Variants in ZHX3 observed in about 807,000 individuals in gnomAD.
ZHX3 encodes the protein zinc fingers and homeoboxes protein 3.
A neutral mutation model predicts 64.5 loss-of-function variants in ZHX3; 20 were observed. The ratio of observed to expected loss-of-function variants is 0.31; its 90% CI spans 0.22 to 0.45. ZHX3 has a LOEUF of 0.45. ZHX3 is among the 20% of genes least tolerant of loss of function. The pLI is 1.00. For synonymous variants in ZHX3, 423 were observed against 461.6 expected, an observed-to-expected ratio of 0.92 and a Z score of 1.07; for missense variants, 1,041 against 1,195.8, an observed-to-expected ratio of 0.87 and a Z score of 1.91.
chr20:41,184,666 T>C lies in ZHX3; in HGVS notation c.*525A>G, dbSNP rs1355444280. 1 of 516,418 alleles carries C rather than the reference T, an allele frequency of 1.9e-6. No individual in the cohort carries two copies. Among genetic ancestry groups the C allele is most frequent in the Non-Finnish European group, 3.5e-6 (1 of 288,492 alleles). 32.0% of individuals were successfully genotyped at this position (516,418 alleles called of 1,614,324 possible). ...GGAACACAAAGGGGGCACAAAGGGG[T>C]TCCAGACGTAGCTTTGTGCCTATAA... is the stretch of plus-strand genomic sequence containing the variant. On this transcript the variant is annotated 3_prime_UTR_variant, in exon 4 of 4. Coordinates refer to ENST00000683867, the MANE Select transcript of ZHX3 (RefSeq NM_001384317.1).
chr20:41,185,493 T>TC lies in ZHX3; in HGVS notation c.2861-293dup, dbSNP rs912197452. 2.7e-5 allele frequency: 14 copies of TC among 522,892 alleles called. No homozygotes were observed. The highest frequency in any genetic ancestry group is 2.1e-4 in the African/African-American group (11 of 52,494). 32.4% of individuals were successfully genotyped at this position (522,892 alleles called of 1,614,324 possible). A position where few individuals can be genotyped will look rare whatever the true frequency, so the allele number is the denominator to read the frequency against. On this transcript the variant is annotated intron_variant, in intron 3 of 3. Transcript: ENST00000683867. The surrounding 1 kb of genome is among the most constrained non-coding windows in gnomAD (Gnocchi z 5.0). ...GTTTGGCCTCTCCAGGCCCACTAAA[T>TC]CCCCCTAGCTCCCCAGGCTTCCGCC...
chr20:41,251,476 TAA>T (rs2146509962), intron 2 of ZHX3, among the ~76,000 whole-genome samples: 1 of 152,008 alleles, frequency 6.6e-6, no homozygotes, highest in East Asian at 1.9e-4. Flanking sequence ...AAAGTCAAGA[TAA>T]AAACCTCTCA....
chr20:41,190,244 G>A (rs1257094442), intron 3 of ZHX3, among the ~76,000 whole-genome samples: 2 of 152,270 alleles, frequency 1.3e-5, no homozygotes, highest in African/African-American at 4.8e-5. Flanking sequence ...GTGCAATCTC[G>A]GCTCACTGCA....
intron 2 of ZHX3, among the ~76,000 whole-genome samples, chr20:41,216,236 A>G (rs901162366): frequency 6.6e-6 from 1 of 152,210 alleles, no homozygotes; most frequent in Non-Finnish European, 1.5e-5. Flanking sequence ...CATAGGTAGC[A>G]TTCCACTATT....
At chr20:41,194,211 T>C (rs570548096) in intron 3 of ZHX3, among the ~76,000 whole-genome samples, 1 of 152,346 alleles carries the variant, frequency 6.6e-6, no homozygotes, top group South Asian at 2.1e-4. Flanking sequence ...TTGTTGAGTA[T>C]GATGTTAATT....
chr20:41,218,639 CAT>C (rs1172414815), intron 2 of ZHX3, among the ~76,000 whole-genome samples: 3 of 152,102 alleles, frequency 2.0e-5, no homozygotes, highest in African/African-American at 4.8e-5. Flanking sequence ...ACAAAAAGAA[CAT>C]GTGGAAAACT....
chr20:41,235,067 T>C (rs529114842), intron 2 of ZHX3, among the ~76,000 whole-genome samples: 10 of 152,272 alleles, frequency 6.6e-5, no homozygotes, highest in African/African-American at 2.2e-4. Context: ...CTCTTTTCCA[T>C]GAGAGACAGT....
chr20:41,244,127 A>G (rs1278100598), intron 2 of ZHX3, among the ~76,000 whole-genome samples: 1 of 152,042 alleles, frequency 6.6e-6, no homozygotes, highest in Non-Finnish European at 1.5e-5. Flanking sequence ...AGTAGAGCAC[A>G]CTGTCCCCAG....
intron 3 of ZHX3, among the ~76,000 whole-genome samples, chr20:41,187,720 T>C (rs1400987666): frequency 6.6e-6 from 1 of 152,232 alleles, no homozygotes; most frequent in Admixed American, 6.5e-5. Context: ...CCTTCAACTT[T>C]GTTTTTTCTC....
At position 41,185,333 on chromosome 20, in the gene ZHX3, C is replaced by T; in HGVS notation, c.2861-132G>A. The T allele has an allele frequency of 9.4e-7, 1 of 1,067,584 alleles. No homozygotes were observed. The highest frequency in any genetic ancestry group is 1.3e-6 in the Non-Finnish European group (1 of 745,214). 66.1% of individuals were successfully genotyped at this position (1,067,584 alleles called of 1,614,324 possible). Reference sequence around the variant, plus strand: ...TCTTAATTCCATGAGCAATGAATGGCCTTCTGCCACCCACTCCCCCACCCT... The same window carrying T: ...TCTTAATTCCATGAGCAATGAATGGTCTTCTGCCACCCACTCCCCCACCCT... On this transcript the variant is annotated intron_variant, in intron 3 of 3. Coordinates refer to ENST00000683867, the MANE Select transcript of ZHX3 (RefSeq NM_001384317.1). The surrounding 1 kb of genome is among the most constrained non-coding windows in gnomAD (Gnocchi z 5.0).
At chr20:41,314,323 A>G (rs2045228035) in intron 1 of ZHX3, among the ~76,000 whole-genome samples, 1 of 152,260 alleles carries the variant, frequency 6.6e-6, no homozygotes, top group Admixed American at 6.5e-5. Flanking sequence ...AATGTTAAAA[A>G]AAAATTAAGT....
At chr20:41,311,447 A>G (rs1045614080) in intron 1 of ZHX3, among the ~76,000 whole-genome samples, 1 of 152,266 alleles carries the variant, frequency 6.6e-6, no homozygotes, top group East Asian at 1.9e-4. Context: ...AACTATCTAT[A>G]TGCTTTGGCA....
chr20:41,286,874 C>T (rs1385544947), intron 1 of ZHX3, among the ~76,000 whole-genome samples: 3 of 152,146 alleles, frequency 2.0e-5, no homozygotes, highest in Admixed American at 1.3e-4. Context: ...AGTTCTCTCA[C>T]GATACCTGAT....
intron 1 of ZHX3, among the ~76,000 whole-genome samples, chr20:41,278,115 G>A (rs2043485088): frequency 7.3e-6 from 1 of 137,722 alleles, no homozygotes; most frequent in African/African-American, 2.7e-5. Flanking sequence ...GGTCGAGGTG[G>A]GCAGATCACT....
In ZHX3 at chr20:41,185,520, C is replaced by A; in HGVS notation, c.2861-319G>T. ...CCCCTAGCTCCCCAGGCTTCCGCCA[C>A]CACCGTCTCTGGAGTCCTGTCCTAA... is the stretch of plus-strand genomic sequence containing the variant. On this transcript the variant is annotated intron_variant, in intron 3 of 3. Coordinates refer to ENST00000683867, the MANE Select transcript of ZHX3 (RefSeq NM_001384317.1). This position sits in a 1 kb window ranked among gnomAD's most constrained non-coding sequence, Gnocchi z 5.0. The A allele has an allele frequency of 2.0e-6, 1 of 507,260 alleles. No individual in the cohort carries two copies. The highest frequency in any genetic ancestry group is 3.5e-6 in the Non-Finnish European group (1 of 289,042). 31.4% of individuals were successfully genotyped at this position (507,260 alleles called of 1,614,324 possible).
In ZHX3 at chr20:41,258,360, T is replaced by C. The variant is rs2042378100; in HGVS notation, c.-151+10630A>G. Among the ~76,000 whole-genome samples, 4 of 152,172 alleles carry C rather than the reference T, an allele frequency of 2.6e-5. No homozygotes were observed. The South Asian group carries it at 8.3e-4, about 32-fold the overall frequency. ...AGAACCAGAACTTTAATATTAATAC[T>C]ATTAACTAAACCAAAGACCTTATTC... On this transcript the variant is annotated intron_variant, in intron 2 of 3. Coordinates refer to ENST00000683867, the MANE Select transcript of ZHX3 (RefSeq NM_001384317.1).
At chr20:41,213,362 C>A (rs1450756878) in intron 2 of ZHX3, among the ~76,000 whole-genome samples, 1 of 152,132 alleles carries the variant, frequency 6.6e-6, no homozygotes, top group East Asian at 1.9e-4. Context: ...GCACTCAGTT[C>A]TATAGAAGAG....
chr20:41,237,740 C>T (rs1432234294), intron 2 of ZHX3, among the ~76,000 whole-genome samples: 3 of 151,796 alleles, frequency 2.0e-5, no homozygotes, highest in African/African-American at 7.3e-5. Flanking sequence ...GCACATGTAC[C>T]CTAAAACTTA....
intron 2 of ZHX3, among the ~76,000 whole-genome samples, chr20:41,210,768 A>G (rs1165312503): frequency 6.6e-6 from 1 of 152,194 alleles, no homozygotes; most frequent in East Asian, 1.9e-4. Flanking sequence ...GCAGCACACC[A>G]ACATGGCACA....
Sources: gnomAD v4.1 joint callset for allele counts (sites outside exome capture counted in the v4.1 genomes callset) on GRCh38, gnomAD v4.1.1 for gene constraint, Gnocchi (gnomAD v3.1) non-coding constraint, MANE v1.5 for transcripts, NCBI Gene and HGNC (gene_info 2026-07-23, HGNC 2026-07-21) for gene names.